ZNF316: variants seen among roughly 807,000 people sequenced by gnomAD.
ZNF316 encodes the protein zinc finger protein 316.
In ZNF316, 23 loss-of-function variants were observed where a neutral mutation model predicts 75.6. The ratio of observed to expected loss-of-function variants is 0.30; its 90% CI spans 0.22 to 0.43. ZNF316 has a LOEUF of 0.43. Among genes scored for constraint, ZNF316 ranks in the 20% least tolerant of loss-of-function variants. The probability of loss-of-function intolerance (pLI) is 1.00; values close to 1 mark genes in which losing one functional copy is unlikely to be tolerated. For missense variants in ZNF316, 1,266 were observed against 1,409.4 expected (o/e 0.90, Z 1.63); for synonymous variants, 827 against 666.2 (o/e 1.24, Z -3.72).
chr7:6,652,509 G>C lies in ZNF316; in HGVS notation c.913G>C (p.Gly305Arg), dbSNP rs765964993. Residue 305 changes from glycine (G) to arginine (R), a missense_variant, in exon 9 of 9, where the codon GGG (glycine) becomes CGG (arginine). Physicochemically the swap from Gly to Arg is moderately radical, Grantham distance 125. Around this residue, in one of 3 missense-constraint regions of ZNF316, gnomAD observed 961 missense variants for 990.9 expected, o/e 0.97. Transcript: ENST00000382252. The part of the protein sequence containing the change: ...EGWGPDPGGL[G>R]VLADGSEAKP... ...GTGGGGACCCGACCCAGGCGGCCTG[G>C]GGGTCCTGGCCGACGGCTCTGAAGC... The C allele has an allele frequency of 3.5e-5, 43 of 1,231,218 alleles. No homozygotes were observed. In the South Asian group the frequency reaches 4.1e-4, roughly 12 times the overall value. The allele number at this position is 1,231,218 out of a possible 1,614,324, so 76.3% of individuals were successfully genotyped here. A position where few individuals can be genotyped will look rare whatever the true frequency, so the allele number is the denominator to read the frequency against.
In ZNF316 at chr7:6,653,270, G is replaced by A; in HGVS notation, c.1674G>A (p.Glu558=). ...AGGCCGCGGCCGAGGAGAGAGAGGAGGCGGCGGTGGCGGCGCCCACCCCCA... is the reference window on the plus strand; with the variant it reads ...AGGCCGCGGCCGAGGAGAGAGAGGAAGCGGCGGTGGCGGCGCCCACCCCCA... ...EAEAAAEERE[E]AAVAAPTPSG... is the part of the protein sequence containing the mutation. The change falls in exon 9 of 9, where the codon GAG becomes GAA. Residue 558 remains glutamate, a synonymous_variant. Transcript: ENST00000382252. 8.1e-7 allele frequency: 1 copy of A among 1,227,760 alleles called. No homozygotes were observed. The highest frequency in any genetic ancestry group is 1.0e-6 in the Non-Finnish European group (1 of 985,914). The allele number at this position is 1,227,760 out of a possible 1,614,324, so 76.1% of individuals were successfully genotyped here. A position where few individuals can be genotyped will look rare whatever the true frequency, so the allele number is the denominator to read the frequency against.
Position 6,639,831 on chromosome 7 carries a change from G to A in ZNF316, c.-167+690G>A, listed in dbSNP as rs553546572. Among the ~76,000 whole-genome samples, 43 of 152,322 alleles carry A rather than the reference G, an allele frequency of 2.8e-4. No individual in the cohort carries two copies. The highest frequency in any genetic ancestry group is 9.1e-4 in the African/African-American group (38 of 41,576). On this transcript the variant is annotated intron_variant, in intron 3 of 8. Transcript: ENST00000382252. The surrounding 1 kb of genome is among the most constrained non-coding windows in gnomAD (Gnocchi z 4.2). ...AGCGCCCTGAGTGCTGGGCAGGGCC[G>A]TGTCCTCCTGGAGGTGGCTAGCATA...
Position 6,652,684 on chromosome 7 carries a change from A to T in ZNF316, c.1088A>T (p.His363Leu). The T allele has an allele frequency of 8.1e-7, 1 of 1,233,960 alleles. No homozygotes were observed. The allele number at this position is 1,233,960 out of a possible 1,614,324, so 76.4% of individuals were successfully genotyped here. Residue 363 changes from histidine to leucine, a missense_variant, in exon 9 of 9, where the codon CAC becomes CTC. Coordinates refer to ENST00000382252, the MANE Select transcript of ZNF316 (RefSeq NM_001278559.2). ...VFPHRSRLAKHQRYHAAVKPF... is the reference protein window; with the variant it reads ...VFPHRSRLAKLQRYHAAVKPF... ...CCGCACCGCTCGCGGCTGGCCAAGCACCAGCGCTACCACGCGGCCGTCAAG... is the reference window on the plus strand; with the variant it reads ...CCGCACCGCTCGCGGCTGGCCAAGCTCCAGCGCTACCACGCGGCCGTCAAG...
Position 6,642,239 on chromosome 7 carries a change from T to C in ZNF316, c.-28-143T>C. ...GTAAGATCGTGGGAAGGCCCGGTCC[T>C]CCCTCATCTCCATTGCCTTCAACTA... On this transcript the variant is annotated intron_variant, in intron 4 of 8. Coordinates refer to ENST00000382252, the MANE Select transcript of ZNF316 (RefSeq NM_001278559.2). The surrounding 1 kb of genome is among the most constrained non-coding windows in gnomAD (Gnocchi z 8.1). The C allele has an allele frequency of 2.5e-6, 1 of 407,220 alleles. No homozygotes were observed. The highest frequency in any genetic ancestry group is 4.3e-6 in the Non-Finnish European group (1 of 234,824). The allele number at this position is 407,220 out of a possible 1,614,324, so 25.2% of individuals were successfully genotyped here. A position where few individuals can be genotyped will look rare whatever the true frequency, so the allele number is the denominator to read the frequency against.
At chr7:6,646,524 G>C (rs1562580974) in intron 8 of ZNF316, among the ~76,000 whole-genome samples, 1 of 152,210 alleles carries the variant, frequency 6.6e-6, no homozygotes, top group African/African-American at 2.4e-5. Flanking sequence ...CCTGGCTGGG[G>C]TTTGAGAGCT....
In ZNF316 at chr7:6,639,812, C is replaced by T. The variant is rs1368152263; in HGVS notation, c.-167+671C>T. Among the ~76,000 whole-genome samples, 2 of 152,196 alleles carry T rather than the reference C, an allele frequency of 1.3e-5. No individual in the cohort carries two copies. Among genetic ancestry groups the T allele is most frequent in the African/African-American group, 4.8e-5 (2 of 41,444 alleles). Reference sequence around the variant, plus strand: ...ACCGTTGCTGCGTGTACCCAGCGCCCTGAGTGCTGGGCAGGGCCGTGTCCT... The same window carrying T: ...ACCGTTGCTGCGTGTACCCAGCGCCTTGAGTGCTGGGCAGGGCCGTGTCCT... On this transcript the variant is annotated intron_variant, in intron 3 of 8. Coordinates refer to ENST00000382252, the MANE Select transcript of ZNF316 (RefSeq NM_001278559.2). The surrounding 1 kb of genome is among the most constrained non-coding windows in gnomAD (Gnocchi z 4.2).
rs1779334056 is a variant in ZNF316 at position 6,642,803 on chromosome 7, G to C, written c.355+39G>C. The C allele has an allele frequency of 8.1e-7, 1 of 1,232,902 alleles. No homozygotes were observed. Among genetic ancestry groups the C allele is most frequent in the Admixed American group, 4.2e-5 (1 of 23,704 alleles). The allele number at this position is 1,232,902 out of a possible 1,614,324, so 76.4% of individuals were successfully genotyped here. On this transcript the variant is annotated intron_variant, in intron 5 of 8. Transcript: ENST00000382252. The surrounding 1 kb of genome is among the most constrained non-coding windows in gnomAD (Gnocchi z 8.1). ...CCAGCCTTGGGGAGGAGATGAAGGG[G>C]GCTGAGGTGGGCCAGGCCAGGGACC...
intron 8 of ZNF316, among the ~76,000 whole-genome samples, chr7:6,650,350 A>T (rs1779486269): frequency 1.3e-5 from 2 of 152,212 alleles, no homozygotes; most frequent in Non-Finnish European, 2.9e-5. Context: ...CAACTTAGTG[A>T]CAAGAAACCT....
chr7:6,653,377 A>T lies in ZNF316; in HGVS notation c.1781A>T (p.His594Leu). The change falls in exon 9 of 9, where the codon CAC (histidine) becomes CTC (leucine). Residue 594 changes from histidine to leucine, a missense_variant. By Grantham distance (99) the His-to-Leu change is moderately conservative. This residue lies in a region of ZNF316 where 961 missense variants were observed against 990.9 expected (regional missense o/e 0.97). Coordinates refer to ENST00000382252, the MANE Select transcript of ZNF316 (RefSeq NM_001278559.2). ...GGGGAGGGCGAAGGCCCCTCCTCCCACCCGCTGGGCTTCCACTTCCCCGTG... is the reference window on the plus strand; with the variant it reads ...GGGGAGGGCGAAGGCCCCTCCTCCCTCCCGCTGGGCTTCCACTTCCCCGTG... ...GLGEGEGPSS[H>L]PLGFHFPVHP... 8.2e-7 allele frequency: 1 copy of T among 1,226,166 alleles called. No homozygotes were observed. Among genetic ancestry groups the T allele is most frequent in the Non-Finnish European group, 1.0e-6 (1 of 984,968 alleles). 76.0% of individuals were successfully genotyped at this position (1,226,166 alleles called of 1,614,324 possible). A position where few individuals can be genotyped will look rare whatever the true frequency, so the allele number is the denominator to read the frequency against.
chr7:6,651,476 G>A (rs564551056), intron 8 of ZNF316, among the ~76,000 whole-genome samples: 32 of 152,304 alleles, frequency 2.1e-4, no homozygotes, highest in Non-Finnish European at 4.0e-4. Context: ...CCAACATGGC[G>A]AAACTCCATC....
intron 8 of ZNF316, among the ~76,000 whole-genome samples, chr7:6,646,345 C>G (rs1056392885): frequency 6.6e-6 from 1 of 152,198 alleles, no homozygotes; most frequent in Non-Finnish European, 1.5e-5. Flanking sequence ...GGATGACGCT[C>G]TCAGGAAGAG....
chr7:6,643,118 T>C, intron 6 of ZNF316, 45 bp downstream of exon 6: 5 of 1,232,056 alleles, frequency 4.1e-6, no homozygotes, highest in Non-Finnish European at 5.1e-6. Context: ...CTGGGCAGGG[T>C]TTCCCCCGGG....
chr7:6,647,451 C>T (rs1779426504), intron 8 of ZNF316, among the ~76,000 whole-genome samples: 1 of 152,248 alleles, frequency 6.6e-6, no homozygotes, highest in Admixed American at 6.5e-5. Flanking sequence ...CCTCCACCTC[C>T]TTTGCGACTG....
At chr7:6,650,124 C>T (rs1443310963) in intron 8 of ZNF316, among the ~76,000 whole-genome samples, 1 of 152,218 alleles carries the variant, frequency 6.6e-6, no homozygotes, top group Non-Finnish European at 1.5e-5. Context: ...GTCTCTAAAC[C>T]CAAGACCTGC....
In ZNF316 at chr7:6,639,410, T is replaced by C. The variant is rs955442570; in HGVS notation, c.-167+269T>C. Among the ~76,000 whole-genome samples, 13 of 152,136 alleles carry C rather than the reference T, an allele frequency of 8.5e-5. No individual in the cohort carries two copies. The highest frequency in any genetic ancestry group is 2.2e-4 in the African/African-American group (9 of 41,412). On this transcript the variant is annotated intron_variant, in intron 3 of 8. Transcript: ENST00000382252. This position sits in a 1 kb window ranked among gnomAD's most constrained non-coding sequence, Gnocchi z 4.2. Reference sequence around the variant, plus strand: ...AGATGATAAGACAGTCTCATAAGTGTATTTTTAAGATGTGGTGAGTGCTGT... The same window carrying C: ...AGATGATAAGACAGTCTCATAAGTGCATTTTTAAGATGTGGTGAGTGCTGT...
chr7:6,653,371 C>T lies in ZNF316; in HGVS notation c.1775C>T (p.Ser592Phe), dbSNP rs1214667009. The change falls in exon 9 of 9, where the codon TCC becomes TTC. Residue 592 changes from serine (S) to phenylalanine (F), a missense_variant. Transcript: ENST00000382252. Reference protein sequence around the residue: ...GNGLGEGEGPSSHPLGFHFPV... With the variant: ...GNGLGEGEGPFSHPLGFHFPV... ...GGCCTGGGGGAGGGCGAAGGCCCCTCCTCCCACCCGCTGGGCTTCCACTTC... is the reference window on the plus strand; with the variant it reads ...GGCCTGGGGGAGGGCGAAGGCCCCTTCTCCCACCCGCTGGGCTTCCACTTC... The T allele has an allele frequency of 3.3e-6, 4 of 1,226,360 alleles. No individual in the cohort carries two copies. Among genetic ancestry groups the T allele is most frequent in the South Asian group, 4.1e-5 (1 of 24,308 alleles). The allele number at this position is 1,226,360 out of a possible 1,614,324, so 76.0% of individuals were successfully genotyped here.
rs1488299972 is a variant in ZNF316 at position 6,656,420 on chromosome 7, T to G, written c.*1809T>G. The G allele has an allele frequency of 6.6e-6, 1 of 151,966 alleles. No homozygotes were observed. Among genetic ancestry groups the G allele is most frequent in the African/African-American group, 2.4e-5 (1 of 41,342 alleles). The allele number at this position is 151,966 out of a possible 1,614,324, so 9.4% of individuals were successfully genotyped here. On this transcript the variant is annotated 3_prime_UTR_variant, in exon 9 of 9. Coordinates refer to ENST00000382252, the MANE Select transcript of ZNF316 (RefSeq NM_001278559.2). ...AGGAGGGCCTGGCTTTAATAAAGAG[T>G]GGACAAACTGAACTTCTGACTGGAC...
chr7:6,647,321 G>A (rs370777386), intron 8 of ZNF316, among the ~76,000 whole-genome samples: 16 of 152,030 alleles, frequency 1.1e-4, no homozygotes, highest in Non-Finnish European at 2.2e-4. Context: ...CAGAAGCTGC[G>A]CCCGAGAGCC....
chr7:6,645,374 C>T (rs1779381754), intron 8 of ZNF316, among the ~76,000 whole-genome samples: 1 of 152,252 alleles, frequency 6.6e-6, no homozygotes, highest in East Asian at 1.9e-4. Context: ...TGGAGCACCT[C>T]ATAGATGTGT....
Sources: gnomAD v4.1 joint callset for allele counts (sites outside exome capture counted in the v4.1 genomes callset) on GRCh38, gnomAD v4.1.1 for gene constraint, gnomAD v4.1.1 regional missense constraint, Gnocchi (gnomAD v3.1) non-coding constraint, MANE v1.5 for transcripts, NCBI Gene and HGNC (gene_info 2026-07-23, HGNC 2026-07-21) for gene names.